Variants in STK32C observed in about 807,000 individuals in gnomAD.
The protein encoded by STK32C is serine/threonine kinase 32C, also known as serine/threonine-protein kinase 32C.
Under a neutral mutation model 56.5 loss-of-function variants are expected in STK32C, and 31 were observed. The observed-to-expected ratio is 0.55, with a 90% confidence interval of 0.41 to 0.74. The LOEUF (loss-of-function observed/expected upper bound fraction) is 0.74, where lower values mean the gene tolerates loss of function less well. STK32C is among the 30% of genes least tolerant of loss of function. STK32C has a pLI of 0.00. For synonymous variants in STK32C, 309 were observed against 289.4 expected, an observed-to-expected ratio of 1.07 and a Z score of -0.69; for missense variants, 544 against 676.9, an observed-to-expected ratio of 0.80 and a Z score of 2.18.
At position 132,245,063 on chromosome 10, in the gene STK32C, G is replaced by A. The variant is rs114920057; in HGVS notation, c.318+837C>T. On this transcript the variant is annotated intron_variant, in intron 2 of 11. Coordinates refer to ENST00000298630, the MANE Select transcript of STK32C (RefSeq NM_173575.4). ...CCTCAAGTAACCCAGTGGAGCCATC[G>A]TTTGCTATACAATGAAATGGAGGTA... 6.0e-3 allele frequency among the ~76,000 whole-genome samples: 912 copies of A among 152,290 alleles called. 10 individuals carry two copies. Among genetic ancestry groups the A allele is most frequent in the South Asian group, 0.055 (267 of 4,818 alleles).
At chr10:132,275,572 G>A (rs1046008041) in intron 1 of STK32C, among the ~76,000 whole-genome samples, 4 of 152,152 alleles carry the variant, frequency 2.6e-5, no homozygotes, top group South Asian at 2.1e-4. Flanking sequence ...TGGCCACTCC[G>A]CCGACGTGTC....
At chr10:132,294,857 C>G (rs1178373947) in intron 1 of STK32C, among the ~76,000 whole-genome samples, 1 of 152,202 alleles carries the variant, frequency 6.6e-6, no homozygotes, top group African/African-American at 2.4e-5. Context: ...AGACAGGCCA[C>G]AGGTCCTGCA....
At chr10:132,215,371 G>T (rs1203209276) in intron 10 of STK32C, among the ~76,000 whole-genome samples, 1 of 152,108 alleles carries the variant, frequency 6.6e-6, no homozygotes, top group Non-Finnish European at 1.5e-5. Context: ...AGCTTGAATT[G>T]TGACTCCCAC....
chr10:132,235,493 T>TC (rs1565091831), intron 2 of STK32C, among the ~76,000 whole-genome samples: 1 of 72,408 alleles, frequency 1.4e-5, no homozygotes, highest in African/African-American at 5.1e-5. Flanking sequence ...AGACTCAGCC[T>TC]TAAAAAAAAA....
intron 1 of STK32C, among the ~76,000 whole-genome samples, chr10:132,289,396 G>T (rs988078936): frequency 2.0e-5 from 3 of 152,234 alleles, no homozygotes; most frequent in Non-Finnish European, 4.4e-5. Context: ...AGAAAACACA[G>T]TGCATCTGTC....
Position 132,225,269 on chromosome 10 carries a change from C to T in STK32C, c.840G>A (p.Ser280=), listed in dbSNP as rs770922589. The T allele has an allele frequency of 8.1e-6, 13 of 1,611,568 alleles. No homozygotes were observed. Among genetic ancestry groups the T allele is most frequent in the African/African-American group, 4.0e-5 (3 of 74,964 alleles). ...TGYSFEVDWW[S]VGVMAYELLR... ...GCAGCTCATAGGCCATCACCCCCAC[C>T]GACCACCAGTCCACCTCGAAGGAGT... The change falls in exon 7 of 12, where the codon TCG becomes TCA. Residue 280 remains serine (S), a synonymous_variant. Transcript: ENST00000298630.
intron 1 of STK32C, among the ~76,000 whole-genome samples, chr10:132,275,666 G>A (rs2064974258): frequency 6.6e-6 from 1 of 152,204 alleles, no homozygotes; most frequent in Non-Finnish European, 1.5e-5. Context: ...CACCGTCACT[G>A]ACGCATCATG....
At chr10:132,297,347 A>G (rs2065780228) in intron 1 of STK32C, among the ~76,000 whole-genome samples, 1 of 151,970 alleles carries the variant, frequency 6.6e-6, no homozygotes, top group Non-Finnish European at 1.5e-5. Flanking sequence ...CCGAAGATCC[A>G]CCGAAGGGCC....
At chr10:132,280,153 TGTGATCACGCCCCTGCACTCC>T (rs2065124245) in intron 1 of STK32C, among the ~76,000 whole-genome samples, 1 of 89,168 alleles carries the variant, frequency 1.1e-5, no homozygotes, top group Admixed American at 1.0e-4. Flanking sequence ...CCCTGCACTC[TGTGATCACGCCCCTGCACTCC>T]GTGACCACGC....
downstream of STK32C, among the ~76,000 whole-genome samples, chr10:132,322,506 T>G (rs893342489): frequency 6.6e-6 from 1 of 152,232 alleles, no homozygotes; most frequent in Admixed American, 6.5e-5. Context: ...AAGAACAAAG[T>G]AAAATTCACT....
At chr10:132,303,182 CA>C (rs1273987212) in intron 1 of STK32C, among the ~76,000 whole-genome samples, 3 of 152,184 alleles carry the variant, frequency 2.0e-5, no homozygotes, top group African/African-American at 4.8e-5. Flanking sequence ...CAGATCCCTA[CA>C]GGGGGAAACA....
chr10:132,286,514 A>T (rs2065409963), intron 1 of STK32C, among the ~76,000 whole-genome samples: 1 of 152,230 alleles, frequency 6.6e-6, no homozygotes, highest in African/African-American at 2.4e-5. Flanking sequence ...ATGAACACAG[A>T]TGTAAAAATT....
chr10:132,209,416 C>T (rs1010999610), intron 10 of STK32C: 1 of 584,828 alleles, frequency 1.7e-6, no homozygotes, highest in African/African-American at 1.8e-5. Context: ...GGAAACCACT[C>T]CCTTGCCGGG....
rs1324416660 is a variant in STK32C at position 132,307,454 on chromosome 10, G to A, written c.262+118C>T. On this transcript the variant is annotated intron_variant, in intron 1 of 11. Transcript: ENST00000298630. The surrounding 1 kb of genome is among the most constrained non-coding windows in gnomAD (Gnocchi z 4.4). ...CCGGCGCGAGCTTCTCCGGAAGCCG[G>A]GGCGCCCCGGGAAGCCGTCCCGGAC... The A allele has an allele frequency of 8.4e-7, 1 of 1,184,812 alleles. No individual in the cohort carries two copies. The highest frequency in any genetic ancestry group is 1.1e-6 in the Non-Finnish European group (1 of 908,732). 73.4% of individuals were successfully genotyped at this position (1,184,812 alleles called of 1,614,324 possible). A position where few individuals can be genotyped will look rare whatever the true frequency, so the allele number is the denominator to read the frequency against.
chr10:132,210,002 G>A (rs1331901761), intron 10 of STK32C, among the ~76,000 whole-genome samples: 9 of 152,284 alleles, frequency 5.9e-5, no homozygotes, highest in East Asian at 3.9e-4. Flanking sequence ...CGGAGGGGAC[G>A]TGTGAGTGGG....
chr10:132,253,450 C>T (rs1407837195), intron 1 of STK32C, among the ~76,000 whole-genome samples: 11 of 130,782 alleles, frequency 8.4e-5, no homozygotes, highest in Admixed American at 7.6e-4. Flanking sequence ...TGGAGGGAGT[C>T]GAGGGAACTG....
chr10:132,330,384 A>G, intron 1 of STK32C: 1 of 709,658 alleles, frequency 1.4e-6, no homozygotes, highest in Middle Eastern at 2.3e-4. Flanking sequence ...CCCCTTCGCC[A>G]CTCACGGCAA....
chr10:132,294,591 C>T (rs950186643), intron 1 of STK32C, among the ~76,000 whole-genome samples: 6 of 152,180 alleles, frequency 3.9e-5, no homozygotes, highest in African/African-American at 1.4e-4. Context: ...CGCCCTTCTC[C>T]ACTCTCGGGA....
chr10:132,268,461 CCCA>C (rs2064678782), intron 1 of STK32C, among the ~76,000 whole-genome samples: 1 of 136,312 alleles, frequency 7.3e-6, no homozygotes, highest in African/African-American at 2.8e-5. Flanking sequence ...GCATGCATGT[CCCA>C]CATCGTGTGT....
Sources: allele counts gnomAD v4.1 joint callset (sites outside exome capture counted in the v4.1 genomes callset), GRCh38; gene constraint gnomAD v4.1.1; non-coding constraint Gnocchi (gnomAD v3.1); transcripts MANE v1.5; gene names NCBI Gene and HGNC (gene_info 2026-07-23, HGNC 2026-07-21).